PYM1: variants seen among roughly 807,000 people sequenced by gnomAD.
PYM1 encodes the protein PYM1 exon junction complex associated factor, also known as partner of Y14 and mago.
In PYM1, 7 loss-of-function variants were observed where a neutral mutation model predicts 20.7. That is an observed-to-expected ratio of 0.34 (90% CI 0.19 to 0.64). The LOEUF (loss-of-function observed/expected upper bound fraction) is 0.64, where lower values mean the gene tolerates loss of function less well. PYM1 is among the 30% of genes least tolerant of loss of function. The pLI is 0.74. For synonymous variants in PYM1, 100 were observed against 99.2 expected (o/e 1.01, Z -0.05); for missense variants, 194 against 250.0 (o/e 0.78, Z 1.51).
chr12:55,911,402 G>A (rs1037897633), intron 1 of PYM1, among the ~76,000 whole-genome samples: 2 of 152,110 alleles, frequency 1.3e-5, no homozygotes, highest in African/African-American at 2.4e-5. Flanking sequence ...GTGAGTGACT[G>A]AGCCCGGCCT....
chr12:55,904,359 C>T lies in PYM1; in HGVS notation c.38-879G>A, dbSNP rs542050139. Among the ~76,000 whole-genome samples, 6 of 150,156 alleles carry T rather than the reference C, an allele frequency of 4.0e-5. No homozygotes were observed. In the East Asian group the frequency reaches 8.2e-4, roughly 20 times the overall value. ...CTATAATCCCAGCACTTTGGGAGGCCGAGGGGGTTGAATCACGAGGTCAGG... is the reference window on the plus strand; with the variant it reads ...CTATAATCCCAGCACTTTGGGAGGCTGAGGGGGTTGAATCACGAGGTCAGG... On this transcript the variant is annotated intron_variant, in intron 1 of 2. Coordinates refer to ENST00000408946, the MANE Select transcript of PYM1 (RefSeq NM_032345.3).
At chr12:55,917,841 T>G (rs1883033845) in intron 1 of PYM1, among the ~76,000 whole-genome samples, 2 of 151,970 alleles carry the variant, frequency 1.3e-5, no homozygotes, top group Non-Finnish European at 2.9e-5. Context: ...ATGCCTGTAA[T>G]CCCAGCTACT....
chr12:55,905,892 TTA>T (rs1227127318), intron 1 of PYM1, among the ~76,000 whole-genome samples: 2 of 69,470 alleles, frequency 2.9e-5, no homozygotes, highest in East Asian at 4.0e-4. Context: ...ATATATATTA[TTA>T]TATATATCTA....
rs912444457 is a variant in PYM1 at position 55,927,847 on chromosome 12, G to C, written c.-86C>G. 4.7e-6 allele frequency: 7 copies of C among 1,491,454 alleles called. No individual in the cohort carries two copies. The African/African-American group carries it at 8.4e-5, about 18-fold the overall frequency. 92.4% of individuals were successfully genotyped at this position (1,491,454 alleles called of 1,614,324 possible). A position where few individuals can be genotyped will look rare whatever the true frequency, so the allele number is the denominator to read the frequency against. Reference sequence around the variant, plus strand: ...GCGGCGCCGGGGATTCGGCGGCGAAGTGATGAGGGCCCTAGTTGCTTCTCG... The same window carrying C: ...GCGGCGCCGGGGATTCGGCGGCGAACTGATGAGGGCCCTAGTTGCTTCTCG... On this transcript the variant is annotated 5_prime_UTR_variant, in exon 1 of 3. Coordinates refer to ENST00000408946, the MANE Select transcript of PYM1 (RefSeq NM_032345.3).
intron 1 of PYM1, chr12:55,914,331 G>A: frequency 1.4e-6 from 1 of 702,306 alleles, no homozygotes; most frequent in Non-Finnish European, 2.6e-6. Context: ...CAAGGGTGAA[G>A]TCAAAAAGAA....
intron 1 of PYM1, among the ~76,000 whole-genome samples, chr12:55,922,159 C>T (rs1306624177): frequency 6.6e-6 from 1 of 152,118 alleles, no homozygotes; most frequent in African/African-American, 2.4e-5. Context: ...TGCCACCATG[C>T]CCAGCCCTTA....
chr12:55,924,699 C>G (rs576450383), intron 1 of PYM1, among the ~76,000 whole-genome samples: 2 of 152,224 alleles, frequency 1.3e-5, no homozygotes, highest in South Asian at 2.1e-4. Context: ...ATTTTTGAGA[C>G]AGAGTCTCGC....
intron 1 of PYM1, among the ~76,000 whole-genome samples, chr12:55,922,212 G>A (rs186782635): frequency 7.2e-5 from 11 of 151,972 alleles, no homozygotes; most frequent in South Asian, 2.1e-4. Flanking sequence ...CTCCTTATGC[G>A]TGGGCTGGCA....
Position 55,905,813 on chromosome 12 carries a change from A to C in PYM1, c.38-2333T>G, listed in dbSNP as rs1320148381. On this transcript the variant is annotated intron_variant, in intron 1 of 2. Transcript: ENST00000408946. ...TATTATATAAAATAAATAAGTTTTC[A>C]AAAATTCTAATTTTCTATATATATT... 1.9e-4 allele frequency among the ~76,000 whole-genome samples: 24 copies of C among 127,348 alleles called. 3 individuals carry two copies. The highest frequency in any genetic ancestry group is 5.1e-4 in the African/African-American group (17 of 33,584). The allele number at this position is 127,348 out of a possible 152,430, so 83.5% of individuals were successfully genotyped here.
chr12:55,922,946 C>T (rs1160508200), intron 1 of PYM1, among the ~76,000 whole-genome samples: 2 of 152,156 alleles, frequency 1.3e-5, no homozygotes, highest in East Asian at 3.9e-4. Context: ...GGTAAAAAGG[C>T]TGGGCGCAGT....
chr12:55,914,494 C>T (rs1882973919), intron 1 of PYM1: 2 of 622,310 alleles, frequency 3.2e-6, no homozygotes, highest in South Asian at 1.9e-5. Flanking sequence ...TCACATCTGC[C>T]GTTTTTTAAT....
At chr12:55,926,307 C>A (rs1883185815) in intron 1 of PYM1, among the ~76,000 whole-genome samples, 1 of 152,240 alleles carries the variant, frequency 6.6e-6, no homozygotes, top group Admixed American at 6.5e-5. Flanking sequence ...AACACATACA[C>A]CTTACATACA....
At chr12:55,907,679 CTGTAA>C (rs1052166246) in intron 1 of PYM1, among the ~76,000 whole-genome samples, 2 of 151,420 alleles carry the variant, frequency 1.3e-5, no homozygotes, top group African/African-American at 2.4e-5. Flanking sequence ...TGGTGCACAC[CTGTAA>C]TCCCAGCACT....
chr12:55,901,572 T>C lies in PYM1; in HGVS notation c.*300A>G. The C allele has an allele frequency of 3.1e-6, 1 of 321,606 alleles. No individual in the cohort carries two copies. Among genetic ancestry groups the C allele is most frequent in the Non-Finnish European group, 5.7e-6 (1 of 174,372 alleles). 19.9% of individuals were successfully genotyped at this position (321,606 alleles called of 1,614,324 possible). On this transcript the variant is annotated 3_prime_UTR_variant, in exon 3 of 3. Transcript: ENST00000408946. ...CCCTCAGCCTCAGTTCTCCAAGAGA[T>C]TCCCACCCACCTGATTTTCTTTTAA...
chr12:55,910,343 C>T (rs1053741322), intron 1 of PYM1, among the ~76,000 whole-genome samples: 2 of 151,402 alleles, frequency 1.3e-5, no homozygotes, highest in Non-Finnish European at 2.9e-5. Context: ...TGCAGTAGCC[C>T]GATCCCGGCT....
intron 1 of PYM1, chr12:55,927,008 C>T: frequency 6.9e-7 from 1 of 1,446,582 alleles, no homozygotes; most frequent in Non-Finnish European, 9.2e-7. Context: ...GGGCACAGAC[C>T]CCTTTCCAAG....
chr12:55,916,521 G>C lies in PYM1; in HGVS notation c.37+11204C>G, dbSNP rs1883010439. ...TACTACATTTAAAAGTAGTCAGCCAGGCACGGTGACTCACGCCTGTAATCC... is the reference window on the plus strand; with the variant it reads ...TACTACATTTAAAAGTAGTCAGCCACGCACGGTGACTCACGCCTGTAATCC... On this transcript the variant is annotated intron_variant, in intron 1 of 2. Coordinates refer to ENST00000408946, the MANE Select transcript of PYM1 (RefSeq NM_032345.3). Among the ~76,000 whole-genome samples the C allele has an allele frequency of 2.0e-5, 3 of 151,946 alleles. No homozygotes were observed. The South Asian group carries it at 6.2e-4, about 32-fold the overall frequency.
chr12:55,901,886 C>G lies in PYM1; in HGVS notation c.601G>C (p.Glu201Gln), dbSNP rs770883293. ...CCCCAAAGGCCTCAGAGGCCTAACT[C>G]CAAGTCCTCTAACTCCTCTTCTAGC... ...RALEEELEDL[E>Q]LGL The change falls in exon 3 of 3, where the codon GAG becomes CAG. Residue 201 changes from glutamate (E) to glutamine (Q), a missense_variant. Coordinates refer to ENST00000408946, the MANE Select transcript of PYM1 (RefSeq NM_032345.3). 1 of 1,609,830 alleles carries G rather than the reference C, an allele frequency of 6.2e-7. No homozygotes were observed. Among genetic ancestry groups the G allele is most frequent in the South Asian group, 1.1e-5 (1 of 90,798 alleles).
intron 1 of PYM1, among the ~76,000 whole-genome samples, chr12:55,921,793 T>C (rs894056157): frequency 1.2e-4 from 19 of 152,024 alleles, no homozygotes; most frequent in Non-Finnish European, 1.3e-4. Flanking sequence ...ACCTAACATA[T>C]AAAATACACA....
Sources: allele counts gnomAD v4.1 joint callset (sites outside exome capture counted in the v4.1 genomes callset), GRCh38; gene constraint gnomAD v4.1.1; transcripts MANE v1.5; gene names NCBI Gene and HGNC (gene_info 2026-07-23, HGNC 2026-07-21).